XYLB: variants seen among roughly 807,000 people sequenced by gnomAD.
XYLB encodes xylulokinase.
A neutral mutation model predicts 78.7 loss-of-function variants in XYLB; 62 were observed. The observed-to-expected ratio is 0.79, with a 90% confidence interval of 0.64 to 0.97. XYLB has a LOEUF of 0.97. XYLB is among the 50% of genes least tolerant of loss of function. The pLI is 0.00. For missense variants in XYLB, 687 were observed against 676.8 expected (o/e 1.02, Z -0.17); for synonymous variants, 245 against 247.4 (o/e 0.99, Z 0.09).
chr3:38,383,678 TG>T (rs1707252646), intron 15 of XYLB, among the ~76,000 whole-genome samples: 1 of 142,330 alleles, frequency 7.0e-6, no homozygotes, highest in Non-Finnish European at 1.5e-5. Flanking sequence ...GGGGGTGGGG[TG>T]GCAGGGGTGG....
At chr3:38,404,954 G>T (rs2125664143) in intron 18 of XYLB, among the ~76,000 whole-genome samples, 1 of 152,338 alleles carries the variant, frequency 6.6e-6, no homozygotes, top group East Asian at 1.9e-4. Flanking sequence ...TGGTCTTGTT[G>T]TTTGTCTGTA....
the XYLB span, among the ~76,000 whole-genome samples, chr3:38,426,663 A>G: frequency 2.0e-5 from 3 of 152,224 alleles, no homozygotes; most frequent in African/African-American, 4.8e-5. Flanking sequence ...TCATTTGTAC[A>G]TCTGCAAATG....
chr3:38,347,966 C>A (rs1264910920), intron 1 of XYLB, among the ~76,000 whole-genome samples: 2 of 152,260 alleles, frequency 1.3e-5, no homozygotes, highest in Non-Finnish European at 2.9e-5. Context: ...TCTGGCCAGT[C>A]CTTGGGGGAA....
At chr3:38,445,674 T>C in the XYLB span, among the ~76,000 whole-genome samples, 1 of 152,168 alleles carries the variant, frequency 6.6e-6, no homozygotes, top group African/African-American at 2.4e-5. Context: ...TCAGCCCAGA[T>C]GTACAGGAAA....
chr3:38,389,280 G>A (rs1402671292), intron 15 of XYLB, among the ~76,000 whole-genome samples: 5 of 148,852 alleles, frequency 3.4e-5, no homozygotes. Flanking sequence ...TAGATCAACA[G>A]GATCCCAAGG....
the XYLB span, among the ~76,000 whole-genome samples, chr3:38,438,876 T>C: frequency 6.6e-6 from 1 of 152,220 alleles, no homozygotes; most frequent in African/African-American, 2.4e-5. Flanking sequence ...GAGCACTGAT[T>C]GGTCCATTTT....
At chr3:38,391,412 C>G (rs1034785090) in intron 15 of XYLB, among the ~76,000 whole-genome samples, 1 of 152,168 alleles carries the variant, frequency 6.6e-6, no homozygotes, top group African/African-American at 2.4e-5. Context: ...CCTTTAAATA[C>G]ATTGTGGCTT....
intron 2 of XYLB, among the ~76,000 whole-genome samples, chr3:38,354,866 C>A (rs1362241748): frequency 6.6e-6 from 1 of 152,188 alleles, no homozygotes; most frequent in Non-Finnish European, 1.5e-5. Context: ...GAATTGACAA[C>A]TTTATGAGAT....
At chr3:38,356,543 G>A (rs1214764519) in intron 2 of XYLB, 1 of 152,188 alleles carries the variant, frequency 6.6e-6, no homozygotes, top group African/African-American at 2.4e-5. Flanking sequence ...TATATAATAT[G>A]TGACAGCCTT....
chr3:38,365,243 G>A lies in XYLB; in HGVS notation c.336G>A (p.Leu112=). Residue 112 remains leucine (L), a synonymous_variant, in exon 5 of 19, where the codon CTG becomes CTA. Coordinates refer to ENST00000207870, the MANE Select transcript of XYLB (RefSeq NM_005108.4). ...IYWKAGAQQA[L]TSLSPDLRLH... ...GGAAGGCTGGAGCCCAGCAGGCACT[G>A]ACAAGCTTATCACCAGACCTCCGGC... 6.2e-7 allele frequency: 1 copy of A among 1,614,244 alleles called. No individual in the cohort carries two copies. Among genetic ancestry groups the A allele is most frequent in the Non-Finnish European group, 8.5e-7 (1 of 1,180,042 alleles).
At chr3:38,369,281 TCAGA>T (rs1231883267) in intron 8 of XYLB, among the ~76,000 whole-genome samples, 7 of 152,142 alleles carry the variant, frequency 4.6e-5, no homozygotes, top group African/African-American at 7.2e-5. Context: ...TCTGTAGAAC[TCAGA>T]CAGGCAGAAC....
chr3:38,384,224 G>A (rs1575503859), intron 15 of XYLB, among the ~76,000 whole-genome samples: 1 of 151,980 alleles, frequency 6.6e-6, no homozygotes, highest in South Asian at 2.1e-4. Context: ...ACACCACCAC[G>A]CCCAGCTAGT....
intron 9 of XYLB, 88 bp downstream of exon 9, chr3:38,370,262 A>ACACACACACC: frequency 2.2e-6 from 2 of 891,814 alleles, no homozygotes; most frequent in Admixed American, 1.9e-5. Flanking sequence ...ACACACACAC[A>ACACACACACC]CACACTCTGC....
the XYLB span, among the ~76,000 whole-genome samples, chr3:38,449,093 T>TTTTA: frequency 3.9e-5 from 6 of 152,062 alleles, no homozygotes; most frequent in East Asian, 1.9e-4. Context: ...TGTTTTTCAT[T>TTTTA]TTTATTTATT....
intron 10 of XYLB, among the ~76,000 whole-genome samples, chr3:38,373,002 T>A (rs1313365686): frequency 6.6e-6 from 1 of 152,180 alleles, no homozygotes; most frequent in Non-Finnish European, 1.5e-5. Context: ...CAGTCTGCTC[T>A]CTCTGGATGA....
intron 2 of XYLB, among the ~76,000 whole-genome samples, chr3:38,358,634 G>T (rs1188051224): frequency 1.3e-5 from 2 of 151,970 alleles, no homozygotes; most frequent in African/African-American, 4.8e-5. Flanking sequence ...ATGAGCCACC[G>T]TGCCCAGCCG....
the XYLB span, among the ~76,000 whole-genome samples, chr3:38,432,876 C>T: frequency 2.0e-5 from 3 of 152,170 alleles, no homozygotes; most frequent in Admixed American, 2.0e-4. Context: ...TTTCCAGGCA[C>T]ACGGTGCAAG....
chr3:38,353,885 T>TGA, intron 2 of XYLB, among the ~76,000 whole-genome samples: 1 of 122,016 alleles, frequency 8.2e-6, no homozygotes, highest in Admixed American at 8.7e-5. Context: ...AGACTCCATA[T>TGA]AAAAAAAAAA....
the XYLB span, among the ~76,000 whole-genome samples, chr3:38,429,337 T>C: frequency 6.6e-6 from 1 of 152,292 alleles, no homozygotes; most frequent in Non-Finnish European, 1.5e-5. Context: ...GGAATCAACC[T>C]GCAACAGCTT....
Sources: allele counts gnomAD v4.1 joint callset (sites outside exome capture counted in the v4.1 genomes callset), GRCh38; gene constraint gnomAD v4.1.1; transcripts MANE v1.5; gene names NCBI Gene and HGNC (gene_info 2026-07-23, HGNC 2026-07-21).